The following KIF1C variants were observed in gnomAD, a reference collection of about 807,000 sequenced individuals.
The protein encoded by KIF1C is kinesin-like protein KIF1C.
KIF1C carries 61 observed loss-of-function variants against 126.5 expected under a neutral mutation model. The observed-to-expected ratio is 0.48, with a 90% CI of 0.39 to 0.60. The LOEUF is 0.60. KIF1C is among the 20% of genes least tolerant of loss of function. The probability of loss-of-function intolerance (pLI) is 0.00; values close to 1 mark genes in which losing one functional copy is unlikely to be tolerated. For missense variants in KIF1C, 1,315 were observed against 1,489.2 expected (o/e 0.88, Z 1.93); for synonymous variants, 640 against 580.6 (o/e 1.10, Z -1.47).
rs775676061 is a variant in KIF1C at position 5,004,124 on chromosome 17, C to G, written c.940+51C>G. ...CCGACCCTGACACATCCCACAAACT[C>G]TTTTGATACATCTGACAAATCCCCT... On this transcript the variant is annotated intron_variant, in intron 11 of 22. Transcript: ENST00000320785. 5 of 1,257,616 alleles carry G rather than the reference C, an allele frequency of 4.0e-6. No individual in the cohort carries two copies. The African/African-American group carries it at 4.4e-5, about 11-fold the overall frequency. 77.9% of individuals were successfully genotyped at this position (1,257,616 alleles called of 1,614,324 possible).
rs555525603 is a variant in KIF1C, at chr17:5,003,228, G to A, written c.721-384G>A. 1.8e-3 allele frequency among the ~76,000 whole-genome samples: 270 copies of A among 152,016 alleles called. 3 individuals carry two copies. The highest frequency in any genetic ancestry group is 6.4e-3 in the African/African-American group (267 of 41,474). ...CCCAGCTAATTTTTTTGTATTTTTA[G>A]TAGAGACGAGGTTTCGCCATGTTGG... On this transcript the variant is annotated intron_variant, in intron 8 of 22. Coordinates refer to ENST00000320785, the MANE Select transcript of KIF1C (RefSeq NM_006612.6).
rs1404684457 is a variant in KIF1C, at chr17:5,024,150, G to A, written c.3311G>A (p.Ter1104=). Residue 1104 remains the stop codon, a stop_retained_variant, in exon 23 of 23, where the codon TGA becomes TAA. Coordinates refer to ENST00000320785, the MANE Select transcript of KIF1C (RefSeq NM_006612.6). ...PDLKESGAAV[*] is the part of the protein sequence containing the mutation. ...CTCAAGGAGAGTGGGGCAGCTGTGT[G>A]AGTCCCACATCCTGGGCAGAGGGCC... The A allele has an allele frequency of 1.2e-6, 2 of 1,605,268 alleles. No homozygotes were observed. Among genetic ancestry groups the A allele is most frequent in the African/African-American group, 1.3e-5 (1 of 74,552 alleles).
chr17:5,022,039 A>C lies in KIF1C; in HGVS notation c.2011-53A>C, dbSNP rs994429846. On this transcript the variant is annotated intron_variant, in intron 21 of 22. Transcript: ENST00000320785. The surrounding 1 kb of genome is among the most constrained non-coding windows in gnomAD (Gnocchi z 4.9). ...CTTAGGACACACTGGGCCAAGACACATGGGCTCTGGATGTCCTTAGCCCTC... is the reference window on the plus strand; with the variant it reads ...CTTAGGACACACTGGGCCAAGACACCTGGGCTCTGGATGTCCTTAGCCCTC... The C allele has an allele frequency of 6.5e-7, 1 of 1,533,242 alleles. No homozygotes were observed. Among genetic ancestry groups the C allele is most frequent in the Non-Finnish European group, 8.8e-7 (1 of 1,139,142 alleles). The allele number at this position is 1,533,242 out of a possible 1,614,324, so 95.0% of individuals were successfully genotyped here.
intron 1 of KIF1C, 84 bp from the exon 2 acceptor site, chr17:4,999,766 G>A (rs1180848838): frequency 2.9e-5 from 5 of 171,430 alleles, no homozygotes; most frequent in Non-Finnish European, 6.4e-5. Context: ...TATTCCCCCC[G>A]TAACCTTGGC....
rs1254204034 is a variant in KIF1C at position 5,022,650 on chromosome 17, G to A, written c.2569G>A (p.Glu857Lys). 6.2e-7 allele frequency: 1 copy of A among 1,602,828 alleles called. No individual in the cohort carries two copies. Among genetic ancestry groups the A allele is most frequent in the Non-Finnish European group, 8.5e-7 (1 of 1,173,954 alleles). Residue 857 changes from glutamate to lysine, a missense_variant, in exon 22 of 23, where the codon GAG becomes AAG. Physicochemically the swap from Glu to Lys is moderately conservative, Grantham distance 56. Around this residue, in one of 2 missense-constraint regions of KIF1C, gnomAD observed 441 missense variants for 436.1 expected, o/e 1.01. Transcript: ENST00000320785. The surrounding 1 kb of genome is among the most constrained non-coding windows in gnomAD (Gnocchi z 4.9). ...VKLQNSSKDR[E>K]LQALRDRMLR... ...GCTGCAGAACAGCAGCAAGGACCGGGAGCTGCAGGCCCTGCGGGACCGCAT... is the reference window on the plus strand; with the variant it reads ...GCTGCAGAACAGCAGCAAGGACCGGAAGCTGCAGGCCCTGCGGGACCGCAT...
Position 5,022,751 on chromosome 17 carries a change from C to G in KIF1C, c.2628+42C>G. On this transcript the variant is annotated intron_variant, in intron 22 of 22. Coordinates refer to ENST00000320785, the MANE Select transcript of KIF1C (RefSeq NM_006612.6). This position sits in a 1 kb window ranked among gnomAD's most constrained non-coding sequence, Gnocchi z 4.9. ...GCCTCCCTTCTCTCCTCCCTCGGCTCTTCACTTTAGGAGTCTGAACCTTCC... is the reference window on the plus strand; with the variant it reads ...GCCTCCCTTCTCTCCTCCCTCGGCTGTTCACTTTAGGAGTCTGAACCTTCC... The G allele has an allele frequency of 6.8e-7, 1 of 1,475,122 alleles. No individual in the cohort carries two copies. Among genetic ancestry groups the G allele is most frequent in the Non-Finnish European group, 8.9e-7 (1 of 1,118,160 alleles). The allele number at this position is 1,475,122 out of a possible 1,614,324, so 91.4% of individuals were successfully genotyped here. A position where few individuals can be genotyped will look rare whatever the true frequency, so the allele number is the denominator to read the frequency against.
chr17:5,013,796 TC>T, intron 17 of KIF1C, 64 bp downstream of exon 17: 1 of 1,270,094 alleles, frequency 7.9e-7, no homozygotes. Flanking sequence ...CCAAGGGTTG[TC>T]CACATTGGTG....
chr17:5,002,053 C>T lies in KIF1C; in HGVS notation c.364-6C>T. ...CTTCTCTGTATTTCCCTGTGTCCCC[C>T]TCCAGCTCTGTGAGGACCTCTTCTC... On this transcript the variant is annotated splice_region_variant and splice_polypyrimidine_tract_variant and intron_variant, in intron 5 of 22. Coordinates refer to ENST00000320785, the MANE Select transcript of KIF1C (RefSeq NM_006612.6). 1 of 1,613,872 alleles carries T rather than the reference C, an allele frequency of 6.2e-7. No homozygotes were observed. The highest frequency in any genetic ancestry group is 8.5e-7 in the Non-Finnish European group (1 of 1,179,750).
Position 5,022,554 on chromosome 17 carries a change from G to A in KIF1C, c.2473G>A (p.Ala825Thr), listed in dbSNP as rs547704394. ...CAGTGGTGGTGGCAGTGAGGAGGGA[G>A]CCCGAGGGGCGGAGGTGGAGGACCT... ...AGSGGGSEEG[A>T]RGAEVEDLRA... Residue 825 changes from alanine (A) to threonine (T), a missense_variant, in exon 22 of 23, where the codon GCC becomes ACC. By Grantham distance (58) the Ala-to-Thr change is moderately conservative. Around this residue, in one of 2 missense-constraint regions of KIF1C, gnomAD observed 441 missense variants for 436.1 expected, o/e 1.01. Coordinates refer to ENST00000320785, the MANE Select transcript of KIF1C (RefSeq NM_006612.6). The surrounding 1 kb of genome is among the most constrained non-coding windows in gnomAD (Gnocchi z 4.9). The A allele has an allele frequency of 3.1e-6, 5 of 1,589,812 alleles. No homozygotes were observed. In the East Asian group the frequency reaches 1.1e-4, roughly 36 times the overall value.
rs1264412952 is a variant in KIF1C at position 5,020,839 on chromosome 17, A to C, written c.1971A>C (p.Glu657Asp). Residue 657 changes from glutamate to aspartate, a missense_variant, in exon 21 of 23, where the codon GAA becomes GAC. Physicochemically the swap from Glu to Asp is conservative, Grantham distance 45. This residue lies in a region of KIF1C where 874 missense variants were observed against 1,053.2 expected (regional missense o/e 0.83). Transcript: ENST00000320785. The surrounding 1 kb of genome is among the most constrained non-coding windows in gnomAD (Gnocchi z 5.8). ...LQDLENQYRKEKEEADLLLEQ... is the reference protein window; with the variant it reads ...LQDLENQYRKDKEEADLLLEQ... ...ATCTGGAGAATCAGTACCGGAAAGAAAAGGAAGAAGCCGATCTTCTGCTGG... is the reference window on the plus strand; with the variant it reads ...ATCTGGAGAATCAGTACCGGAAAGACAAGGAAGAAGCCGATCTTCTGCTGG... The C allele has an allele frequency of 6.3e-7, 1 of 1,591,896 alleles. No individual in the cohort carries two copies. The highest frequency in any genetic ancestry group is 8.6e-7 in the Non-Finnish European group (1 of 1,168,908).
At chr17:5,011,245 G>C (rs1423190152) in intron 16 of KIF1C, among the ~76,000 whole-genome samples, 1 of 152,184 alleles carries the variant, frequency 6.6e-6, no homozygotes, top group Admixed American at 6.5e-5. Context: ...AGCTCCAACA[G>C]GGAATAGTTG....
chr17:5,001,708 C>T (rs962883877), intron 5 of KIF1C, among the ~76,000 whole-genome samples: 1 of 152,210 alleles, frequency 6.6e-6, no homozygotes, highest in Non-Finnish European at 1.5e-5. Context: ...GTATAGTTCT[C>T]CTGCAGGCTT....
At chr17:5,019,342 G>A (rs1395873641) in intron 18 of KIF1C, 1 of 167,756 alleles carries the variant, frequency 6.0e-6, no homozygotes, top group Non-Finnish European at 1.5e-5. Context: ...CTAAGGAGCT[G>A]CAGAGCCTGG....
chr17:5,002,602 G>T lies in KIF1C; in HGVS notation c.568G>T (p.Ala190Ser), dbSNP rs752855724. Reference protein sequence around the residue: ...DLSKLAVTSYADIADLMDCGN... With the variant: ...DLSKLAVTSYSDIADLMDCGN... ...GTCCAAATTGGCTGTGACCTCCTAC[G>T]CAGACATTGCTGACCTCATGGACTG... The change falls in exon 7 of 23, where the codon GCA becomes TCA. Residue 190 changes from alanine (A) to serine (S), a missense_variant. By Grantham distance (99) the Ala-to-Ser change is moderately conservative (BLOSUM62 1). Around this residue, in one of 2 missense-constraint regions of KIF1C, gnomAD observed 874 missense variants for 1,053.2 expected, o/e 0.83. Coordinates refer to ENST00000320785, the MANE Select transcript of KIF1C (RefSeq NM_006612.6). 6.2e-7 allele frequency: 1 copy of T among 1,613,866 alleles called. No homozygotes were observed. Among genetic ancestry groups the T allele is most frequent in the East Asian group, 2.2e-5 (1 of 44,870 alleles).
chr17:4,997,974 C>T lies in KIF1C; in HGVS notation c.-331C>T, dbSNP rs1336988835. The T allele has an allele frequency of 6.8e-6, 1 of 147,770 alleles. No individual in the cohort carries two copies. The highest frequency in any genetic ancestry group is 2.4e-5 in the African/African-American group (1 of 40,986). The allele number at this position is 147,770 out of a possible 1,614,324, so 9.2% of individuals were successfully genotyped here. A position where few individuals can be genotyped will look rare whatever the true frequency, so the allele number is the denominator to read the frequency against. On this transcript the variant is annotated 5_prime_UTR_variant, in exon 1 of 23. Transcript: ENST00000320785. ...CAGCTCGCGCTGCCCGGGCGGGCGC[C>T]GGCCGCTGGCGCCGCTACTGCTGCC... is the stretch of plus-strand genomic sequence containing the variant.
rs1975192603 is a variant in KIF1C, at chr17:5,025,389, A to G, written c.*1238A>G. ...ACCTAACTTACTTGAAAGGTCTCCC[A>G]AGCAGCCAGTTTCTCTTGATAGTGA... On this transcript the variant is annotated 3_prime_UTR_variant, in exon 23 of 23. Transcript: ENST00000320785. 1 of 152,282 alleles carries G rather than the reference A, an allele frequency of 6.6e-6. No homozygotes were observed. Among genetic ancestry groups the G allele is most frequent in the South Asian group, 2.1e-4 (1 of 4,832 alleles). 9.4% of individuals were successfully genotyped at this position (152,282 alleles called of 1,614,324 possible).
chr17:5,024,553 CTG>C lies in KIF1C; in HGVS notation c.*405_*406del, dbSNP rs1975173366. ...AGCCCCTGTCCGTCTGTCTGTCTGT[CTG>C]TGGTGGTTTCTGTTTCTTGGGAGGC... On this transcript the variant is annotated 3_prime_UTR_variant, in exon 23 of 23. Transcript: ENST00000320785. 1.1e-5 allele frequency: 2 copies of C among 178,006 alleles called. No homozygotes were observed. Among genetic ancestry groups the C allele is most frequent in the Admixed American group, 6.1e-5 (1 of 16,310 alleles). The allele number at this position is 178,006 out of a possible 1,614,324, so 11.0% of individuals were successfully genotyped here.
intron 21 of KIF1C, among the ~76,000 whole-genome samples, chr17:5,021,275 C>T (rs997176563): frequency 2.8e-5 from 4 of 143,582 alleles, no homozygotes; most frequent in Middle Eastern, 3.7e-3. Context: ...TGGGTTCAAG[C>T]GATTCTCATG....
At position 5,020,742 on chromosome 17, in the gene KIF1C, C is replaced by G. The variant is rs760113896; in HGVS notation, c.1937+64C>G. The G allele has an allele frequency of 1.9e-5, 30 of 1,606,416 alleles. No individual in the cohort carries two copies. The highest frequency in any genetic ancestry group is 2.7e-5 in the African/African-American group (2 of 74,802). ...GCCGTCCCTCCCGGGCCTCTGGGCC[C>G]GTGTCCTCCTCTTGTCAGATACTCA... On this transcript the variant is annotated intron_variant, in intron 20 of 22. Transcript: ENST00000320785. This position sits in a 1 kb window ranked among gnomAD's most constrained non-coding sequence, Gnocchi z 5.8.
Sources: gnomAD v4.1 joint callset for allele counts (sites outside exome capture counted in the v4.1 genomes callset) on GRCh38, gnomAD v4.1.1 for gene constraint, gnomAD v4.1.1 regional missense constraint, Gnocchi (gnomAD v3.1) non-coding constraint, MANE v1.5 for transcripts, NCBI Gene and HGNC (gene_info 2026-07-23, HGNC 2026-07-21) for gene names.